IL23R: variants seen among roughly 807,000 people sequenced by gnomAD.
The protein encoded by IL23R is interleukin 23 receptor.
In IL23R, 34 loss-of-function variants were observed where a neutral mutation model predicts 56.9. The observed-to-expected ratio is 0.60, with a 90% CI of 0.45 to 0.80. The LOEUF is 0.80. Among genes scored for constraint, IL23R ranks in the 30% least tolerant of loss-of-function variants. The pLI is 0.00. For synonymous variants in IL23R, 230 were observed against 249.2 expected (o/e 0.92, Z 0.73); for missense variants, 635 against 730.0 (o/e 0.87, Z 1.50).
At chr1:67,185,452 GT>G (rs1379818689) in intron 4 of IL23R, among the ~76,000 whole-genome samples, 12 of 151,874 alleles carry the variant, frequency 7.9e-5, no homozygotes, top group Non-Finnish European at 1.8e-4. Flanking sequence ...TTTCGTTTTT[GT>G]TTTTGTTTTT....
At chr1:67,243,606 A>G (rs1652000355) in intron 9 of IL23R, among the ~76,000 whole-genome samples, 1 of 152,182 alleles carries the variant, frequency 6.6e-6, no homozygotes, top group Admixed American at 6.5e-5. Context: ...GACGGTTTCC[A>G]GATTCATCCA....
At chr1:67,148,522 G>C (rs1186972070) in intron 1 of IL23R, among the ~76,000 whole-genome samples, 1 of 152,222 alleles carries the variant, frequency 6.6e-6, no homozygotes, top group Non-Finnish European at 1.5e-5. Flanking sequence ...GGTCAGGTGT[G>C]AGCTGAGTTA....
intron 3 of IL23R, among the ~76,000 whole-genome samples, chr1:67,173,438 A>T (rs1646968959): frequency 6.6e-6 from 1 of 152,162 alleles, no homozygotes; most frequent in African/African-American, 2.4e-5. Flanking sequence ...AAACCAGAGG[A>T]AAAAATAACT....
At chr1:67,160,768 A>G (rs548862473) in intron 1 of IL23R, among the ~76,000 whole-genome samples, 3 of 151,992 alleles carry the variant, frequency 2.0e-5, no homozygotes, top group Admixed American at 2.0e-4. Flanking sequence ...TGCAGCCTTT[A>G]TCTCTTGGGT....
chr1:67,196,528 G>A (rs535617173), intron 4 of IL23R, among the ~76,000 whole-genome samples: 2 of 152,296 alleles, frequency 1.3e-5, no homozygotes, highest in East Asian at 1.9e-4. Flanking sequence ...GTGACAGAGT[G>A]AGACCCTGTC....
At chr1:67,204,163 A>T (rs555375626) in intron 5 of IL23R, among the ~76,000 whole-genome samples, 71 of 152,162 alleles carry the variant, frequency 4.7e-4, no homozygotes, top group African/African-American at 1.7e-3. Flanking sequence ...TTCCGGGTTC[A>T]CGCCATTCTC....
intron 8 of IL23R, among the ~76,000 whole-genome samples, chr1:67,238,708 C>G (rs1467370636): frequency 1.3e-5 from 2 of 152,202 alleles, no homozygotes; most frequent in Non-Finnish European, 2.9e-5. Flanking sequence ...GACCCCTTTG[C>G]CGAGCACTGT....
chr1:67,200,841 C>A lies in IL23R; in HGVS notation c.596C>A (p.Ala199Glu). The A allele has an allele frequency of 1.9e-6, 3 of 1,614,108 alleles. No individual in the cohort carries two copies. Among genetic ancestry groups the A allele is most frequent in the Middle Eastern group, 1.6e-4 (1 of 6,062 alleles). Residue 199 changes from alanine (A) to glutamate (E), a missense_variant, in exon 5 of 11, where the codon GCA becomes GAA. Coordinates refer to ENST00000347310, the MANE Select transcript of IL23R (RefSeq NM_144701.3). ...GKKYLVWVQA[A>E]NALGMEESKQ... ...AAGTACTTGGTTTGGGTCCAAGCAG[C>A]AAACGCACTAGGCATGGAAGAGTCA...
At chr1:67,152,253 G>A (rs79705663) in intron 1 of IL23R, among the ~76,000 whole-genome samples, 1 of 152,070 alleles carries the variant, frequency 6.6e-6, no homozygotes, top group Admixed American at 6.6e-5. Flanking sequence ...TTATGATTTG[G>A]CTCTTTGCTT....
chr1:67,261,083 T>C, downstream of IL23R, among the ~76,000 whole-genome samples: 1 of 72,602 alleles, frequency 1.4e-5, no homozygotes. Context: ...TTTGTTTTAC[T>C]TTTTTTTTTT....
intron 4 of IL23R, among the ~76,000 whole-genome samples, chr1:67,192,792 A>G (rs72927057): frequency 0.02 from 2,993 of 152,124 alleles, 96 homozygotes; most frequent in African/African-American, 0.069. Context: ...CACCACCTAC[A>G]CTGCAATCCA....
intron 4 of IL23R, among the ~76,000 whole-genome samples, chr1:67,189,905 A>G (rs1647618862): frequency 6.6e-6 from 1 of 152,214 alleles, no homozygotes; most frequent in African/African-American, 2.4e-5. Flanking sequence ...ACTGTACTCC[A>G]GCCTGGGCGA....
intron 2 of IL23R, among the ~76,000 whole-genome samples, chr1:67,168,577 T>C (rs1300483909): frequency 2.0e-5 from 3 of 152,212 alleles, no homozygotes; most frequent in African/African-American, 7.2e-5. Flanking sequence ...ATAGTAACTA[T>C]GTGGGCCATT....
At chr1:67,148,007 G>C (rs1021360567) in intron 1 of IL23R, among the ~76,000 whole-genome samples, 3 of 152,200 alleles carry the variant, frequency 2.0e-5, no homozygotes, top group Admixed American at 1.3e-4. Context: ...TGTGGTGAGT[G>C]TTATAGCTCT....
chr1:67,187,234 C>T (rs1276456218), intron 4 of IL23R, among the ~76,000 whole-genome samples: 1 of 152,170 alleles, frequency 6.6e-6, no homozygotes, highest in Non-Finnish European at 1.5e-5. Flanking sequence ...CACATTCTTG[C>T]CAACCTTTGT....
intron 6 of IL23R, among the ~76,000 whole-genome samples, chr1:67,217,852 G>A (rs575179993): frequency 6.6e-6 from 1 of 151,662 alleles, no homozygotes; most frequent in South Asian, 2.1e-4. Flanking sequence ...TAATGTTAAG[G>A]TTGGGTTTTA....
At chr1:67,176,361 G>A (rs965047531) in intron 3 of IL23R, among the ~76,000 whole-genome samples, 3 of 152,142 alleles carry the variant, frequency 2.0e-5, no homozygotes, top group Non-Finnish European at 2.9e-5. Context: ...GGAATGAGGA[G>A]CAGGGAGGTG....
chr1:67,247,728 T>A (rs999914795), intron 9 of IL23R, among the ~76,000 whole-genome samples: 10 of 152,206 alleles, frequency 6.6e-5, no homozygotes, highest in Non-Finnish European at 1.5e-5. Context: ...TCTTTACAAT[T>A]TGGTATGTTT....
At chr1:67,200,108 C>G (rs555975344) in intron 4 of IL23R, among the ~76,000 whole-genome samples, 1 of 152,130 alleles carries the variant, frequency 6.6e-6, no homozygotes, top group Admixed American at 6.5e-5. Context: ...GGTGTGATCT[C>G]GGCTCACTGC....
Sources: allele counts gnomAD v4.1 joint callset (sites outside exome capture counted in the v4.1 genomes callset), GRCh38; gene constraint gnomAD v4.1.1; transcripts MANE v1.5; gene names NCBI Gene and HGNC (gene_info 2026-07-23, HGNC 2026-07-21).